UNC13C: variants seen among roughly 807,000 people sequenced by gnomAD.
UNC13C encodes the protein protein unc-13 homolog C.
In UNC13C, 174 loss-of-function variants were observed where a neutral mutation model predicts 245.4. The observed-to-expected ratio is 0.71, with a 90% CI of 0.63 to 0.80. The LOEUF (loss-of-function observed/expected upper bound fraction) is 0.80, where lower values mean the gene tolerates loss of function less well. UNC13C is among the 30% of genes least tolerant of loss of function. The probability of loss-of-function intolerance (pLI) is 0.00; values close to 1 mark genes in which losing one functional copy is unlikely to be tolerated. For missense variants in UNC13C, 2,829 were observed against 2,602.9 expected, an observed-to-expected ratio of 1.09 and a Z score of -1.89; for synonymous variants, 992 against 895.1, an observed-to-expected ratio of 1.11 and a Z score of -1.93.
At chr15:54,614,204 T>G (rs912645396) in intron 30 of UNC13C, among the ~76,000 whole-genome samples, 1 of 152,006 alleles carries the variant, frequency 6.6e-6, no homozygotes, top group Non-Finnish European at 1.5e-5. Context: ...GTGTTAATAT[T>G]TTTCTCTCAT....
intron 4 of UNC13C, among the ~76,000 whole-genome samples, chr15:54,157,478 A>AATTTAAT (rs2032798227): frequency 6.6e-6 from 1 of 152,200 alleles, no homozygotes; most frequent in Non-Finnish European, 1.5e-5. Flanking sequence ...ATTAAAAGGT[A>AATTTAAT]AATCCTTGCT....
intron 2 of UNC13C, among the ~76,000 whole-genome samples, chr15:54,025,265 A>C (rs1467922428): frequency 6.6e-6 from 1 of 152,188 alleles, no homozygotes; most frequent in Non-Finnish European, 1.5e-5. Flanking sequence ...TGGAGTATGA[A>C]ATTTGTTATG....
chr15:54,077,669 C>T (rs959080175), intron 2 of UNC13C, among the ~76,000 whole-genome samples: 1 of 152,022 alleles, frequency 6.6e-6, no homozygotes, highest in African/African-American at 2.4e-5. Context: ...CCATGCCCGG[C>T]CAACTACTTC....
chr15:54,045,467 G>A (rs116064161), intron 2 of UNC13C, among the ~76,000 whole-genome samples: 2,167 of 151,898 alleles, frequency 0.014, 53 homozygotes, highest in African/African-American at 0.049. Flanking sequence ...TTATATATAA[G>A]CATTGATGCC....
chr15:54,146,677 C>T (rs2032274370), intron 4 of UNC13C, among the ~76,000 whole-genome samples: 1 of 152,134 alleles, frequency 6.6e-6, no homozygotes, highest in African/African-American at 2.4e-5. Flanking sequence ...AACATTTATA[C>T]CCTTTAGTGG....
the UNC13C span, among the ~76,000 whole-genome samples, chr15:53,852,502 G>A: frequency 6.6e-6 from 1 of 152,100 alleles, no homozygotes; most frequent in South Asian, 2.1e-4. Context: ...CAGACTTAAA[G>A]TCACCCCAAC....
chr15:54,337,555 G>A (rs573476185), intron 16 of UNC13C, among the ~76,000 whole-genome samples: 6 of 152,114 alleles, frequency 3.9e-5, no homozygotes, highest in Non-Finnish European at 7.4e-5. Context: ...CAGTCTGTCA[G>A]AAAATCCTGT....
rs147789349 is a variant in UNC13C, at chr15:54,023,091, T to A, written c.2983+7205T>A. 6.1e-4 allele frequency among the ~76,000 whole-genome samples: 93 copies of A among 152,326 alleles called. 1 individual carries two copies. In the East Asian group the frequency reaches 0.016, roughly 27 times the overall value. ...GGAAAGAAACCAATAGGTATGCTAT[T>A]CTATCAGACTCAGTTCTAGGCATTT... On this transcript the variant is annotated intron_variant, in intron 2 of 32. Transcript: ENST00000260323.
chr15:54,291,191 G>C (rs1377460664), intron 10 of UNC13C, among the ~76,000 whole-genome samples: 1 of 151,864 alleles, frequency 6.6e-6, no homozygotes, highest in African/African-American at 2.4e-5. Context: ...ATAATTTCAG[G>C]TGTGGGTTCA....
chr15:54,267,140 C>A (rs557873974), intron 10 of UNC13C, among the ~76,000 whole-genome samples: 1 of 149,892 alleles, frequency 6.7e-6, no homozygotes, highest in South Asian at 2.1e-4. Flanking sequence ...CTAAAACTGA[C>A]ATTTGTATGT....
chr15:54,167,602 G>GAAAA (rs35210236), intron 4 of UNC13C, among the ~76,000 whole-genome samples: 18 of 63,556 alleles, frequency 2.8e-4, no homozygotes, highest in Non-Finnish European at 3.2e-4. Flanking sequence ...ATCCAAATAG[G>GAAAA]AAAAAAAAAA....
At chr15:54,225,406 G>C (rs990618265) in intron 4 of UNC13C, among the ~76,000 whole-genome samples, 4 of 152,198 alleles carry the variant, frequency 2.6e-5, no homozygotes, top group African/African-American at 9.7e-5. Flanking sequence ...TGGGCAGTAT[G>C]CCCATTTTCA....
chr15:54,152,363 G>A lies in UNC13C; in HGVS notation c.3071+8679G>A, dbSNP rs141944276. 6.2e-3 allele frequency among the ~76,000 whole-genome samples: 938 copies of A among 152,208 alleles called. 12 individuals carry two copies. Among genetic ancestry groups the A allele is most frequent in the African/African-American group, 0.022 (905 of 41,556 alleles). On this transcript the variant is annotated intron_variant, in intron 4 of 32. Transcript: ENST00000260323. ...TATTTGTTGATGAGAAAAAAGTATTGTATTGAAACACATTTCCTTCTCTGT... is the reference window on the plus strand; with the variant it reads ...TATTTGTTGATGAGAAAAAAGTATTATATTGAAACACATTTCCTTCTCTGT...
the UNC13C span, among the ~76,000 whole-genome samples, chr15:53,904,519 A>T: frequency 2.6e-5 from 4 of 152,156 alleles, no homozygotes; most frequent in Admixed American, 2.6e-4. Context: ...TGTTTGCCGA[A>T]GTAACTCTTT....
chr15:54,303,372 C>A (rs1051009604), intron 13 of UNC13C, among the ~76,000 whole-genome samples: 1 of 152,098 alleles, frequency 6.6e-6, no homozygotes, highest in African/African-American at 2.4e-5. Context: ...TCAAAACAAC[C>A]TGCTGCTGGA....
chr15:54,000,524 G>T (rs920971530), intron 1 of UNC13C, among the ~76,000 whole-genome samples: 6 of 152,088 alleles, frequency 3.9e-5, no homozygotes, highest in African/African-American at 1.2e-4. Flanking sequence ...AATTTTAGAT[G>T]ATCTATCAAG....
intron 29 of UNC13C, among the ~76,000 whole-genome samples, chr15:54,563,214 A>G (rs1338065263): frequency 6.6e-6 from 1 of 152,014 alleles, no homozygotes; most frequent in Non-Finnish European, 1.5e-5. Flanking sequence ...CATCCAATGT[A>G]ACAACTTTAA....
chr15:54,528,021 G>A (rs1188085835), intron 25 of UNC13C, among the ~76,000 whole-genome samples: 1 of 151,240 alleles, frequency 6.6e-6, no homozygotes, highest in Non-Finnish European at 1.5e-5. Context: ...GCAGTGTAGA[G>A]TTTTAGAATT....
intron 4 of UNC13C, among the ~76,000 whole-genome samples, chr15:54,168,644 T>C (rs2091770895): frequency 6.6e-6 from 1 of 152,220 alleles, no homozygotes; most frequent in South Asian, 2.1e-4. Context: ...TTCTTGATTA[T>C]TTTTGAGGTA....
Sources: allele counts gnomAD v4.1 joint callset (sites outside exome capture counted in the v4.1 genomes callset), GRCh38; gene constraint gnomAD v4.1.1; transcripts MANE v1.5; gene names NCBI Gene and HGNC (gene_info 2026-07-23, HGNC 2026-07-21).